Variants in FAP observed in about 807,000 individuals in gnomAD.
FAP encodes prolyl endopeptidase FAP.
Under a neutral mutation model 126.5 loss-of-function variants are expected in FAP, and 110 were observed. The observed-to-expected ratio is 0.87, with a 90% CI of 0.74 to 1.02. The LOEUF (loss-of-function observed/expected upper bound fraction) is 1.02, where lower values mean the gene tolerates loss of function less well. FAP is among the 50% of genes least tolerant of loss of function. The pLI is 0.00. For synonymous variants in FAP, 334 were observed against 297.3 expected, an observed-to-expected ratio of 1.12 and a Z score of -1.27; for missense variants, 919 against 909.2, an observed-to-expected ratio of 1.01 and a Z score of -0.14.
At chr2:162,177,421 C>T (rs2106214930) in intron 21 of FAP, among the ~76,000 whole-genome samples, 1 of 152,178 alleles carries the variant, frequency 6.6e-6, no homozygotes, top group Middle Eastern at 3.4e-3. Flanking sequence ...CACTTCTCCC[C>T]TTCCTTTCTC....
chr2:162,172,662 C>T, intron 25 of FAP, 149 bp downstream of exon 25: 1 of 592,334 alleles, frequency 1.7e-6, no homozygotes, highest in South Asian at 2.2e-5. Context: ...AAGAAAGATC[C>T]AAGATTCATT....
chr2:162,175,276 T>G (rs1559759436), intron 21 of FAP: 1 of 168,608 alleles, frequency 5.9e-6, no homozygotes, highest in African/African-American at 2.4e-5. Context: ...AAATTCTCAT[T>G]TTTTTCTCTA....
intron 2 of FAP, among the ~76,000 whole-genome samples, chr2:162,230,799 G>A (rs187817521): frequency 3.3e-5 from 5 of 152,192 alleles, no homozygotes; most frequent in Admixed American, 1.3e-4. Context: ...TTTTTACCCA[G>A]TCTCCTTGAT....
At chr2:162,237,932 A>G (rs772591942) in intron 2 of FAP, among the ~76,000 whole-genome samples, 4 of 151,982 alleles carry the variant, frequency 2.6e-5, no homozygotes, top group Non-Finnish European at 5.9e-5. Flanking sequence ...TTTGATTTGC[A>G]TTTCTCTAAT....
At chr2:162,216,262 T>C (rs1689157284) in intron 9 of FAP, among the ~76,000 whole-genome samples, 2 of 152,174 alleles carry the variant, frequency 1.3e-5, no homozygotes, top group Admixed American at 1.3e-4. Flanking sequence ...GGGAAAATCA[T>C]TTTGGATATG....
chr2:162,210,046 T>C (rs201810973), intron 11 of FAP, 50 bp from the exon 12 acceptor site: 4 of 1,530,982 alleles, frequency 2.6e-6, no homozygotes, highest in Non-Finnish European at 2.7e-6. Context: ...AACATTTTTT[T>C]CCTAAATGTA....
chr2:162,197,051 G>C (rs922412329), intron 16 of FAP, among the ~76,000 whole-genome samples: 1 of 152,168 alleles, frequency 6.6e-6, no homozygotes, highest in African/African-American at 2.4e-5. Context: ...GTGAGATAGT[G>C]CCTTCCAAAA....
chr2:162,243,233 C>A (rs1038080838), intron 1 of FAP, 89 bp downstream of exon 1: 4 of 1,068,388 alleles, frequency 3.7e-6, no homozygotes, highest in Admixed American at 2.0e-5. Context: ...ATGTACAAAT[C>A]TTCACCTTCT....
chr2:162,192,267 C>A (rs188945143), intron 17 of FAP, among the ~76,000 whole-genome samples: 89 of 152,198 alleles, frequency 5.8e-4, no homozygotes, highest in Non-Finnish European at 1.0e-3. Context: ...TGAAATGGCT[C>A]TGACCAAGCT....
chr2:162,193,468 C>G (rs1490644302), intron 17 of FAP: 6 of 152,078 alleles, frequency 3.9e-5, no homozygotes, highest in Non-Finnish European at 5.9e-5. Context: ...TGCCAGGAAT[C>G]TAACAAGGAT....
Position 162,172,847 on chromosome 2 carries a change from T to C in FAP, c.2145A>G (p.Lys715=), listed in dbSNP as rs1399410543. 6.2e-7 allele frequency: 1 copy of C among 1,613,054 alleles called. No individual in the cohort carries two copies. The highest frequency in any genetic ancestry group is 1.7e-5 in the Admixed American group (1 of 59,938). Reference sequence around the variant, plus strand: ...AATCCACTTGTGCATTAACCAGAGCTTTAGCAATCTGTGCTGAGTTTTGAA... The same window carrying C: ...AATCCACTTGTGCATTAACCAGAGCCTTAGCAATCTGTGCTGAGTTTTGAA... The part of the protein sequence containing the change: ...VHFQNSAQIA[K]ALVNAQVDFQ... The change falls in exon 25 of 26, where the codon AAA becomes AAG. Residue 715 remains lysine, a synonymous_variant. Transcript: ENST00000188790.
intron 21 of FAP, among the ~76,000 whole-genome samples, chr2:162,177,989 C>T (rs900420590): frequency 3.3e-5 from 5 of 152,164 alleles, no homozygotes; most frequent in Non-Finnish European, 2.9e-5. Context: ...AGCTGGGACT[C>T]AAACTCAGGA....
rs1689145859 is a variant in FAP at position 162,215,967 on chromosome 2, A to G, written c.797T>C (p.Ile266Thr). ...GAKNPVVRIFIIDTTYPAYVG... is the reference protein window; with the variant it reads ...GAKNPVVRIFTIDTTYPAYVG... ...ATACGCAGGGTAAGTGGTATCGATA[A>G]TAAATATCCGAACAACGGGATTCTT... is the stretch of plus-strand genomic sequence containing the variant. Residue 266 changes from isoleucine to threonine, a missense_variant, in exon 10 of 26, where the codon ATT (isoleucine) becomes ACT (threonine). By Grantham distance (89) the Ile-to-Thr change is moderately conservative. Transcript: ENST00000188790. 6.2e-7 allele frequency: 1 copy of G among 1,614,014 alleles called. No individual in the cohort carries two copies. Among genetic ancestry groups the G allele is most frequent in the Non-Finnish European group, 8.5e-7 (1 of 1,179,990 alleles).
At chr2:162,233,391 A>G (rs1163220605) in intron 2 of FAP, among the ~76,000 whole-genome samples, 1 of 152,084 alleles carries the variant, frequency 6.6e-6, no homozygotes, top group East Asian at 1.9e-4. Context: ...CACAATCTTT[A>G]GGCTTTAACG....
rs1324524431 is a variant in FAP at position 162,189,566 on chromosome 2, T to G, written c.1549+90A>C. The G allele has an allele frequency of 4.4e-6, 3 of 683,236 alleles. No homozygotes were observed. The South Asian group carries it at 5.2e-5, about 12-fold the overall frequency. 42.3% of individuals were successfully genotyped at this position (683,236 alleles called of 1,614,324 possible). Reference sequence around the variant, plus strand: ...TGTAATATTAATAGATCGCAGAATTTGCACTGTAACATTCACTCTATGCTT... The same window carrying G: ...TGTAATATTAATAGATCGCAGAATTGGCACTGTAACATTCACTCTATGCTT... On this transcript the variant is annotated intron_variant, in intron 18 of 25. Transcript: ENST00000188790.
At chr2:162,196,958 T>C (rs1318126912) in intron 16 of FAP, among the ~76,000 whole-genome samples, 1 of 152,230 alleles carries the variant, frequency 6.6e-6, no homozygotes, top group Non-Finnish European at 1.5e-5. Context: ...CAACTTTTGA[T>C]GAGAGCTTAG....
At chr2:162,241,862 T>C (rs1250728734) in intron 2 of FAP, among the ~76,000 whole-genome samples, 1 of 152,210 alleles carries the variant, frequency 6.6e-6, no homozygotes, top group Non-Finnish European at 1.5e-5. Flanking sequence ...CTTCATCTTA[T>C]GGGTTAACCT....
rs763100077 is a variant in FAP, at chr2:162,171,092, A to G, written c.2182-12T>C. 1 of 1,609,696 alleles carries G rather than the reference A, an allele frequency of 6.2e-7. No homozygotes were observed. Among genetic ancestry groups the G allele is most frequent in the Non-Finnish European group, 8.5e-7 (1 of 1,176,938 alleles). ...TGGTCAGAGTACCACTGAAACACAA[A>G]GAAAAAAGCTTGTTTTATTCCTGCA... On this transcript the variant is annotated splice_polypyrimidine_tract_variant and intron_variant, in intron 25 of 25. Coordinates refer to ENST00000188790, the MANE Select transcript of FAP (RefSeq NM_004460.5).
chr2:162,234,460 G>A (rs4664051), intron 2 of FAP, among the ~76,000 whole-genome samples: 5,322 of 152,110 alleles, frequency 0.035, 466 homozygotes, highest in Admixed American at 0.21. Context: ...TGTATTGTTA[G>A]TTCTAATAGT....
Sources: gnomAD v4.1 joint callset for allele counts (sites outside exome capture counted in the v4.1 genomes callset) on GRCh38, gnomAD v4.1.1 for gene constraint, MANE v1.5 for transcripts, NCBI Gene and HGNC (gene_info 2026-07-23, HGNC 2026-07-21) for gene names.